ADCY2: variants seen among roughly 807,000 people sequenced by gnomAD.
The protein encoded by ADCY2 is adenylate cyclase type 2.
Under a neutral mutation model 125.2 loss-of-function variants are expected in ADCY2, and 31 were observed. That is an observed-to-expected ratio of 0.25 (90% CI 0.19 to 0.33). The LOEUF is 0.33. Among genes scored for constraint, ADCY2 ranks in the 10% least tolerant of loss-of-function variants. The pLI is 1.00. For missense variants in ADCY2, 904 were observed against 1,418.2 expected, an observed-to-expected ratio of 0.64 and a Z score of 5.82; for synonymous variants, 512 against 548.4, an observed-to-expected ratio of 0.93 and a Z score of 0.93.
intron 3 of ADCY2, among the ~76,000 whole-genome samples, chr5:7,620,819 A>T (rs1035002840): frequency 6.6e-6 from 1 of 151,560 alleles, no homozygotes; most frequent in Non-Finnish European, 1.5e-5. Flanking sequence ...CATATTTATG[A>T]TCTGCTTTGT....
chr5:7,516,147 G>C (rs1277163002), intron 2 of ADCY2, among the ~76,000 whole-genome samples: 1 of 152,188 alleles, frequency 6.6e-6, no homozygotes, highest in East Asian at 1.9e-4. Context: ...AGGAGGGAGA[G>C]CATCAGTGGG....
rs780579241 is a variant in ADCY2, at chr5:7,766,791, T to A, written c.2199T>A (p.Asn733Lys). 1 of 1,609,560 alleles carries A rather than the reference T, an allele frequency of 6.2e-7. No homozygotes were observed. Among genetic ancestry groups the A allele is most frequent in the East Asian group, 2.2e-5 (1 of 44,858 alleles). ...AGGTGGCGATTCTGCGTGCGCAGAATTTATTTTTCCTCCCGGTAAGAACAT... is the reference window on the plus strand; with the variant it reads ...AGGTGGCGATTCTGCGTGCGCAGAAATTATTTTTCCTCCCGGTAAGAACAT... ...NNQVAILRAQ[N>K]LFFLPYFIYS... Residue 733 changes from asparagine (N) to lysine (K), a missense_variant, in exon 17 of 25, where the codon AAT becomes AAA. Transcript: ENST00000338316.
Position 7,570,620 on chromosome 5 carries a change from CAAA to C in ADCY2, c.570+49736_570+49738del, listed in dbSNP as rs33956366. ...TGTAAGCTAAGGAGGAGTCAAGGGACAAAAAAAAAAAAAAAAATGCTTGTGTTT... is the reference window on the plus strand; with the variant it reads ...TGTAAGCTAAGGAGGAGTCAAGGGACAAAAAAAAAAAAAATGCTTGTGTTT... On this transcript the variant is annotated intron_variant, in intron 3 of 24. Transcript: ENST00000338316. Among the ~76,000 whole-genome samples, 634 of 112,946 alleles carry C rather than the reference CAAA, an allele frequency of 5.6e-3. 7 individuals carry two copies. The highest frequency in any genetic ancestry group is 0.055 in the East Asian group (213 of 3,894). The allele number at this position is 112,946 out of a possible 152,430, so 74.1% of individuals were successfully genotyped here. A position where few individuals can be genotyped will look rare whatever the true frequency, so the allele number is the denominator to read the frequency against.
intron 3 of ADCY2, among the ~76,000 whole-genome samples, chr5:7,590,728 G>A (rs886797719): frequency 3.9e-5 from 6 of 152,100 alleles, no homozygotes; most frequent in Non-Finnish European, 7.4e-5. Flanking sequence ...TGAACATTAT[G>A]GTGTGGACAA....
intron 3 of ADCY2, among the ~76,000 whole-genome samples, chr5:7,613,255 A>G (rs529269641): frequency 6.6e-6 from 1 of 152,256 alleles, no homozygotes; most frequent in African/African-American, 2.4e-5. Flanking sequence ...AGGAAACCAG[A>G]GATGGAGAAG....
In ADCY2 at chr5:7,600,900, G is replaced by A. The variant is rs571293620; in HGVS notation, c.571-25267G>A. ...AGGCAGAATGGATGATAAGGAATTGGAGATTTCTGAGAATAGGTTCATGTA... is the reference window on the plus strand; with the variant it reads ...AGGCAGAATGGATGATAAGGAATTGAAGATTTCTGAGAATAGGTTCATGTA... On this transcript the variant is annotated intron_variant, in intron 3 of 24. Coordinates refer to ENST00000338316, the MANE Select transcript of ADCY2 (RefSeq NM_020546.3). 2.0e-5 allele frequency among the ~76,000 whole-genome samples: 3 copies of A among 152,318 alleles called. No individual in the cohort carries two copies. In the South Asian group the frequency reaches 6.2e-4, roughly 32 times the overall value.
At chr5:7,688,302 C>G (rs565057360) in intron 4 of ADCY2, among the ~76,000 whole-genome samples, 2 of 151,304 alleles carry the variant, frequency 1.3e-5, no homozygotes, top group Non-Finnish European at 1.5e-5. Flanking sequence ...GAGTCTCACT[C>G]TGTTGCCCAG....
At chr5:7,655,451 G>A (rs1325084362) in intron 4 of ADCY2, among the ~76,000 whole-genome samples, 1 of 152,202 alleles carries the variant, frequency 6.6e-6, no homozygotes, top group Non-Finnish European at 1.5e-5. Context: ...CGTCCAGGAT[G>A]TAAAATCCCA....
intron 2 of ADCY2, among the ~76,000 whole-genome samples, chr5:7,461,202 G>A (rs1741906003): frequency 6.6e-6 from 1 of 152,166 alleles, no homozygotes; most frequent in African/African-American, 2.4e-5. Flanking sequence ...TTAGAGACCT[G>A]TCTGTCTCTC....
chr5:7,665,034 G>A (rs1418463688), intron 4 of ADCY2, among the ~76,000 whole-genome samples: 1 of 151,906 alleles, frequency 6.6e-6, no homozygotes, highest in East Asian at 1.9e-4. Context: ...AAATCAATGT[G>A]TTTCTTAAAT....
intron 24 of ADCY2, 139 bp from the exon 25 acceptor site, chr5:7,826,579 TC>T (rs1745486161): frequency 9.1e-7 from 1 of 1,098,176 alleles, no homozygotes; most frequent in African/African-American, 1.6e-5. Context: ...TGGATTACTC[TC>T]ACTTTTCTAC....
chr5:7,611,637 T>A (rs1737574060), intron 3 of ADCY2, among the ~76,000 whole-genome samples: 1 of 152,326 alleles, frequency 6.6e-6, no homozygotes, highest in South Asian at 2.1e-4. Flanking sequence ...TGTTAATTCA[T>A]CCCAGAAATG....
At chr5:7,673,286 A>ATATATATATAT (rs58505229) in intron 4 of ADCY2, among the ~76,000 whole-genome samples, 4 of 53,864 alleles carry the variant, frequency 7.4e-5, no homozygotes, top group African/African-American at 1.8e-4. Flanking sequence ...ATATATATAT[A>ATATATATATAT]AAATTAGCCA....
intron 4 of ADCY2, among the ~76,000 whole-genome samples, chr5:7,690,281 G>A (rs1740664653): frequency 6.6e-6 from 1 of 152,126 alleles, no homozygotes; most frequent in South Asian, 2.1e-4. Flanking sequence ...TCTTTCTTAA[G>A]TGCAATAAAG....
rs186258502 is a variant in ADCY2, at chr5:7,802,130, C to T, written c.2629-88C>T. On this transcript the variant is annotated intron_variant, in intron 20 of 24. Transcript: ENST00000338316. The surrounding 1 kb of genome is among the most constrained non-coding windows in gnomAD (Gnocchi z 4.6). ...GCATTTGGGCGATGTCTGTGTGAAT[C>T]CTGGCATAAACAAGCCACTTGCCTG... The T allele has an allele frequency of 5.3e-4, 777 of 1,470,922 alleles. 5 individuals carry two copies. The African/African-American group carries it at 9.7e-3, about 18-fold the overall frequency. 91.1% of individuals were successfully genotyped at this position (1,470,922 alleles called of 1,614,324 possible).
intron 7 of ADCY2, 115 bp downstream of exon 7, chr5:7,698,489 C>A: frequency 9.7e-7 from 1 of 1,036,056 alleles, no homozygotes; most frequent in Non-Finnish European, 1.5e-6. Context: ...TTCCTGCACC[C>A]ATCAACTCAT....
intron 13 of ADCY2, among the ~76,000 whole-genome samples, chr5:7,725,336 T>G (rs1283204380): frequency 2.6e-5 from 4 of 152,226 alleles, no homozygotes; most frequent in Non-Finnish European, 4.4e-5. Context: ...AAAAGTTACA[T>G]TAATGGTAGC....
intron 3 of ADCY2, among the ~76,000 whole-genome samples, chr5:7,607,642 G>A (rs1022423609): frequency 4.6e-5 from 7 of 152,154 alleles, no homozygotes; most frequent in Non-Finnish European, 7.3e-5. Flanking sequence ...TACAATCAAT[G>A]ACATGATTTA....
intron 2 of ADCY2, among the ~76,000 whole-genome samples, chr5:7,475,862 A>G (rs1301978759): frequency 1.3e-5 from 2 of 152,196 alleles, no homozygotes; most frequent in Non-Finnish European, 2.9e-5. Flanking sequence ...TTGGAGATCT[A>G]AAGTCTGAGT....
Sources: allele counts gnomAD v4.1 joint callset (sites outside exome capture counted in the v4.1 genomes callset), GRCh38; gene constraint gnomAD v4.1.1; non-coding constraint Gnocchi (gnomAD v3.1); transcripts MANE v1.5; gene names NCBI Gene and HGNC (gene_info 2026-07-23, HGNC 2026-07-21).